Variants in ARSH observed in about 807,000 individuals in gnomAD.
The protein encoded by ARSH is arylsulfatase family member H, also known as arylsulfatase H.
In ARSH, 32 loss-of-function variants were observed where a neutral mutation model predicts 28.7. The observed-to-expected ratio is 1.11, with a 90% CI of 0.84 to 1.50. The LOEUF is 1.50. Among genes scored for constraint, ARSH ranks in the 40% most tolerant of loss-of-function variants. The pLI, the probability that ARSH is intolerant of heterozygous loss-of-function variation, is 0.00. For missense variants in ARSH, 440 were observed against 452.4 expected, an observed-to-expected ratio of 0.97 and a Z score of 0.25; for synonymous variants, 176 against 177.3, an observed-to-expected ratio of 0.99 and a Z score of 0.06.
chrX:3,007,585 T>A (rs1231918362), intron 1 of ARSH, among the ~76,000 whole-genome samples: 1 of 111,759 alleles, frequency 8.9e-6, no homozygotes, highest in Non-Finnish European at 1.9e-5. Context: ...TGGTTCCTCC[T>A]GAGGCCTCTC....
intron 1 of ARSH, among the ~76,000 whole-genome samples, chrX:3,007,711 A>G (rs144512565): frequency 9.8e-6 from 1 of 102,030 alleles, no homozygotes; most frequent in East Asian, 3.1e-4. Context: ...TCAGGCTGCT[A>G]TAAAAGAATA....
chrX:3,015,928 G>A (rs1023675979), intron 4 of ARSH, among the ~76,000 whole-genome samples: 2 of 110,130 alleles, frequency 1.8e-5, no homozygotes, highest in East Asian at 5.6e-4. Context: ...TGCTCAAAAG[G>A]CAAAAAAACA....
chrX:3,029,093 GA>G (rs1246096566), intron 7 of ARSH, among the ~76,000 whole-genome samples, 153 bp from the exon 8 acceptor site: 1 of 103,486 alleles, frequency 9.7e-6, no homozygotes, highest in African/African-American at 3.5e-5. Flanking sequence ...AAAAAAAAAA[GA>G]AAAAAGAAAT....
At chrX:3,016,015 T>C (rs1180986258) in intron 4 of ARSH, among the ~76,000 whole-genome samples, 4 of 108,075 alleles carry the variant, frequency 3.7e-5, no homozygotes, top group Admixed American at 1.0e-4. Flanking sequence ...TTTTTTTTTT[T>C]TTTTTTACTT....
chrX:3,016,424 C>T (rs2089866618), intron 4 of ARSH, among the ~76,000 whole-genome samples: 1 of 111,454 alleles, frequency 9.0e-6, no homozygotes, highest in African/African-American at 3.3e-5. Context: ...GTCTCAGACA[C>T]AGCCGGAAGA....
chrX:3,011,811 C>T (rs998093892), intron 2 of ARSH, among the ~76,000 whole-genome samples: 2 of 111,541 alleles, frequency 1.8e-5, no homozygotes, highest in Non-Finnish European at 3.8e-5. Context: ...CTAGAGTCTA[C>T]TTTCTTCTTC....
At chrX:3,020,022 A>G (rs2089877207) in intron 5 of ARSH, among the ~76,000 whole-genome samples, 1 of 109,521 alleles carries the variant, frequency 9.1e-6, no homozygotes, top group Admixed American at 9.9e-5. Flanking sequence ...GTGGTGGCTC[A>G]TGTCTGTAGC....
At chrX:3,025,413 T>A (rs2089896428) in intron 6 of ARSH, among the ~76,000 whole-genome samples, 1 of 105,860 alleles carries the variant, frequency 9.4e-6, no homozygotes. Flanking sequence ...CTATATATAT[T>A]TACTATGTCT....
chrX:3,013,603 G>A (rs1454502), intron 3 of ARSH, among the ~76,000 whole-genome samples: 4 of 105,600 alleles, frequency 3.8e-5, no homozygotes, highest in South Asian at 8.5e-4. Context: ...GGTTTGGGGC[G>A]GGGGGACATG....
At position 3,027,397 on chromosome X, in the gene ARSH, T is replaced by C. The variant is rs1369603165; in HGVS notation, c.1121T>C (p.Val374Ala). The C allele has an allele frequency of 2.5e-6, 3 of 1,210,388 alleles. No individual in the cohort carries two copies. Among genetic ancestry groups the C allele is most frequent in the Non-Finnish European group, 3.4e-6 (3 of 894,902 alleles). The change falls in exon 7 of 9, where the codon GTG becomes GCG. Residue 374 changes from valine to alanine, a missense_variant. Transcript: ENST00000381130. The part of the protein sequence containing the change: ...RWPSVLEAGR[V>A]INEPTSLMDI... ...CCGTCAGTCTTGGAGGCTGGGAGAG[T>C]GATCAATGAGCCCACCAGCTTAATG... is the stretch of plus-strand genomic sequence containing the variant.
intron 5 of ARSH, among the ~76,000 whole-genome samples, chrX:3,019,849 A>C (rs1234730324): frequency 9.0e-6 from 1 of 111,342 alleles, no homozygotes; most frequent in Non-Finnish European, 1.9e-5. Context: ...TTACTGAAGA[A>C]CTAGTGGTGT....
intron 4 of ARSH, 85 bp downstream of exon 4, chrX:3,015,478 C>T (rs1212538006): frequency 3.2e-6 from 3 of 945,632 alleles, no homozygotes; most frequent in Admixed American, 6.7e-5. Flanking sequence ...ATAACATGGG[C>T]CTTTAAAAGT....
intron 6 of ARSH, 99 bp from the exon 7 acceptor site, chrX:3,027,214 C>T (rs1325350382): frequency 1.1e-6 from 1 of 937,183 alleles, no homozygotes; most frequent in South Asian, 2.3e-5. Context: ...CCCACCTCGG[C>T]CCCCCAAAGT....
In ARSH at chrX:3,007,715, A is replaced by C. The variant is rs753299618; in HGVS notation, c.92+1011A>C. Among the ~76,000 whole-genome samples, 57 of 99,574 alleles carry C rather than the reference A, an allele frequency of 5.7e-4. 1 individual carries two copies. In the South Asian group the frequency reaches 0.022, roughly 38 times the overall value. The allele number at this position is 99,574 out of a possible 115,157, so 86.5% of individuals were successfully genotyped here. On this transcript the variant is annotated intron_variant, in intron 1 of 8. Transcript: ENST00000381130. ...CTTAGTCTATTTCAGGCTGCTATAAAAGAATACCATAGACTGGGTGGCTTA... is the reference window on the plus strand; with the variant it reads ...CTTAGTCTATTTCAGGCTGCTATAACAGAATACCATAGACTGGGTGGCTTA...
At chrX:3,024,364 C>T (rs1377054028) in intron 6 of ARSH, among the ~76,000 whole-genome samples, 1 of 110,356 alleles carries the variant, frequency 9.1e-6, no homozygotes, top group Non-Finnish European at 1.9e-5. Flanking sequence ...AACGCCAACC[C>T]CAGGAGACAG....
At chrX:3,027,604 C>A in intron 7 of ARSH, 129 bp downstream of exon 7, 2 of 723,689 alleles carry the variant, frequency 2.8e-6, no homozygotes, top group East Asian at 3.5e-5. Context: ...GCCCATAGGG[C>A]CAGATGTCTT....
At chrX:3,019,081 A>C (rs1466852113) in intron 5 of ARSH, among the ~76,000 whole-genome samples, 3 of 110,459 alleles carry the variant, frequency 2.7e-5, no homozygotes, top group African/African-American at 9.9e-5. Flanking sequence ...CCTGGCCAAC[A>C]TGGTGAAACC....
In ARSH at chrX:3,012,584, T is replaced by TATA. The variant is rs1555914123; in HGVS notation, c.215-462_215-460dup. On this transcript the variant is annotated intron_variant, in intron 2 of 8. Transcript: ENST00000381130. ...AAAAAAAAAAATATATATATATATA[T>TATA]ATATATATATATATAATATATATAT... Among the ~76,000 whole-genome samples, 40 of 13,615 alleles carry TATA rather than the reference T, an allele frequency of 2.9e-3. 1 individual carries two copies. The East Asian group carries it at 0.062, about 21-fold the overall frequency. The allele number at this position is 13,615 out of a possible 115,157, so 11.8% of individuals were successfully genotyped here.
intron 7 of ARSH, among the ~76,000 whole-genome samples, chrX:3,028,774 G>A (rs1487830856): frequency 9.0e-6 from 1 of 111,136 alleles, no homozygotes; most frequent in African/African-American, 3.3e-5. Flanking sequence ...GGGAAAAGGA[G>A]AAAGTTTTAA....
Sources: allele counts gnomAD v4.1 joint callset (sites outside exome capture counted in the v4.1 genomes callset), GRCh38; gene constraint gnomAD v4.1.1; transcripts MANE v1.5; gene names NCBI Gene and HGNC (gene_info 2026-07-23, HGNC 2026-07-21).